Variants in LIN7A observed in about 807,000 individuals in gnomAD.
The protein encoded by LIN7A is lin-7 cell polarity scaffold A, also known as protein lin-7 homolog A.
Under a neutral mutation model 29.8 loss-of-function variants are expected in LIN7A, and 25 were observed. That is an observed-to-expected ratio of 0.84 (90% CI 0.61 to 1.17). The LOEUF is 1.17. Among genes scored for constraint, LIN7A ranks in the 50% most tolerant of loss-of-function variants. The pLI is 0.00. For synonymous variants in LIN7A, 118 were observed against 107.5 expected (o/e 1.10, Z -0.60); for missense variants, 239 against 287.0 (o/e 0.83, Z 1.21).
chr12:80,857,751 T>C (rs1290423388), intron 2 of LIN7A, among the ~76,000 whole-genome samples: 1 of 152,186 alleles, frequency 6.6e-6, no homozygotes, highest in South Asian at 2.1e-4. Flanking sequence ...TCAGATTAGA[T>C]GAAGATGAGA....
At chr12:80,846,068 A>G in intron 3 of LIN7A, 129 bp from the exon 4 acceptor site, 1 of 787,230 alleles carries the variant, frequency 1.3e-6, no homozygotes, top group South Asian at 2.5e-5. Context: ...GAAAGAAAGA[A>G]CACAAAAAGC....
chr12:80,842,180 T>C (rs943076375), intron 4 of LIN7A: 8 of 1,232,740 alleles, frequency 6.5e-6, no homozygotes, highest in Non-Finnish European at 8.4e-6. Flanking sequence ...TTTATTTTTA[T>C]TTATTGATTT....
chr12:80,889,498 T>C (rs1001162723), intron 1 of LIN7A, 129 bp from the exon 2 acceptor site: 3 of 620,258 alleles, frequency 4.8e-6, no homozygotes, highest in Non-Finnish European at 8.5e-6. Context: ...TCAGAACTTA[T>C]ATTCATAGCT....
chr12:80,828,707 C>A (rs1391164544), intron 4 of LIN7A, among the ~76,000 whole-genome samples: 1 of 152,066 alleles, frequency 6.6e-6, no homozygotes, highest in Non-Finnish European at 1.5e-5. Flanking sequence ...TAATGGGTAA[C>A]AAATCATTGT....
At chr12:80,845,963 T>C in intron 3 of LIN7A, 24 bp from the exon 4 acceptor site, 2 of 1,532,516 alleles carry the variant, frequency 1.3e-6, no homozygotes, top group Non-Finnish European at 1.8e-6. Flanking sequence ...AAAAAGATGG[T>C]CTTTTGGTAA....
intron 2 of LIN7A, among the ~76,000 whole-genome samples, chr12:80,863,590 C>G (rs1044819924): frequency 1.3e-5 from 2 of 152,178 alleles, no homozygotes; most frequent in Non-Finnish European, 1.5e-5. Context: ...ATGGCACTGT[C>G]ACCCAAGGAA....
intron 2 of LIN7A, among the ~76,000 whole-genome samples, chr12:80,886,466 T>C (rs1370825567): frequency 4.8e-5 from 7 of 146,180 alleles, no homozygotes; most frequent in Admixed American, 2.1e-4. Context: ...CCACAGTAAA[T>C]GTAAATCAAC....
intron 1 of LIN7A, among the ~76,000 whole-genome samples, chr12:80,921,741 A>G (rs1481521636): frequency 1.3e-5 from 2 of 152,170 alleles, no homozygotes; most frequent in South Asian, 2.1e-4. Context: ...TATTCAGCCT[A>G]TAACATACAC....
intron 1 of LIN7A, among the ~76,000 whole-genome samples, chr12:80,925,525 G>T (rs1019966947): frequency 6.6e-6 from 1 of 152,150 alleles, no homozygotes; most frequent in Non-Finnish European, 1.5e-5. Context: ...TATATGTCAG[G>T]CCTGTTCTAT....
intron 1 of LIN7A, among the ~76,000 whole-genome samples, chr12:80,901,948 G>T (rs1428192105): frequency 6.6e-6 from 1 of 152,100 alleles, no homozygotes; most frequent in Non-Finnish European, 1.5e-5. Flanking sequence ...TGCAGAAGTT[G>T]TTATGGTGAA....
rs558474366 is a variant in LIN7A, at chr12:80,911,295, G to A, written c.83-21926C>T. On this transcript the variant is annotated intron_variant, in intron 1 of 5. Coordinates refer to ENST00000552864, the MANE Select transcript of LIN7A (RefSeq NM_004664.4). ...TTTTTTTTTTTTTTTTTTTTTGGTG[G>A]GGAGAAGATGAGGTCTCACTATGTT... Among the ~76,000 whole-genome samples the A allele has an allele frequency of 1.2e-4, 17 of 145,922 alleles. No homozygotes were observed. The South Asian group carries it at 3.3e-3, about 28-fold the overall frequency.
intron 4 of LIN7A, among the ~76,000 whole-genome samples, chr12:80,815,790 A>C (rs992798542): frequency 3.9e-5 from 6 of 152,180 alleles, no homozygotes; most frequent in South Asian, 4.1e-4. Context: ...GTTTTGTTGT[A>C]CCTATTGCAT....
chr12:80,897,784 G>A (rs1257779240), intron 1 of LIN7A, among the ~76,000 whole-genome samples: 1 of 152,002 alleles, frequency 6.6e-6, no homozygotes, highest in Non-Finnish European at 1.5e-5. Context: ...CAGCCTGGGC[G>A]ACAGAGTAAG....
At chr12:80,807,068 T>TTTTTTG (rs1456758301) in intron 5 of LIN7A, among the ~76,000 whole-genome samples, 22,594 of 84,664 alleles carry the variant, frequency 0.27, 4,715 homozygotes, top group Non-Finnish European at 0.36. Context: ...ATGGAGTTTT[T>TTTTTTG]TTTTTTTTTT....
chr12:80,822,366 T>C (rs1871848460), intron 4 of LIN7A, among the ~76,000 whole-genome samples: 1 of 152,168 alleles, frequency 6.6e-6, no homozygotes, highest in South Asian at 2.1e-4. Context: ...GCGACCAGAC[T>C]GGCCAACATG....
chr12:80,836,084 T>A (rs905750441), intron 4 of LIN7A, among the ~76,000 whole-genome samples: 1 of 152,248 alleles, frequency 6.6e-6, no homozygotes, highest in African/African-American at 2.4e-5. Flanking sequence ...TATCATCAGA[T>A]TTCAGAATTG....
intron 2 of LIN7A, among the ~76,000 whole-genome samples, chr12:80,851,374 AC>A (rs1873325516): frequency 6.9e-6 from 1 of 145,390 alleles, no homozygotes; most frequent in Admixed American, 6.8e-5. Context: ...TTTTTTGTCT[AC>A]AAAACACAAT....
chr12:80,808,419 G>A (rs1474871863), intron 5 of LIN7A, among the ~76,000 whole-genome samples: 1 of 152,058 alleles, frequency 6.6e-6, no homozygotes, highest in Non-Finnish European at 1.5e-5. Context: ...CATTATTCAT[G>A]CCATTTTTGC....
chr12:80,933,028 A>G (rs1039310443), intron 1 of LIN7A, among the ~76,000 whole-genome samples: 14 of 152,198 alleles, frequency 9.2e-5, no homozygotes, highest in African/African-American at 3.1e-4. Flanking sequence ...ACAAGGGTAA[A>G]TGACATGTAC....
Sources: gnomAD v4.1 joint callset for allele counts (sites outside exome capture counted in the v4.1 genomes callset) on GRCh38, gnomAD v4.1.1 for gene constraint, MANE v1.5 for transcripts, NCBI Gene and HGNC (gene_info 2026-07-23, HGNC 2026-07-21) for gene names.